CHL1: variants seen among roughly 807,000 people sequenced by gnomAD.
CHL1 encodes cell adhesion molecule L1 like.
A neutral mutation model predicts 141.9 loss-of-function variants in CHL1; 96 were observed. The ratio of observed to expected loss-of-function variants is 0.68; its 90% CI spans 0.57 to 0.80. The LOEUF is 0.80. Ranked by LOEUF, CHL1 falls within the 30% of genes least tolerant of loss-of-function variation. The pLI is 0.00. For missense variants in CHL1, 1,820 were observed against 1,457.2 expected (o/e 1.25, Z -4.05); for synonymous variants, 613 against 502.2 (o/e 1.22, Z -2.95).
chr3:285,344 T>C (rs1317678705), intron 2 of CHL1, among the ~76,000 whole-genome samples: 2 of 152,216 alleles, frequency 1.3e-5, no homozygotes, highest in Admixed American at 6.5e-5. Flanking sequence ...ATTTTCTCTA[T>C]AAAATGCCAA....
intron 1 of CHL1, among the ~76,000 whole-genome samples, chr3:229,169 A>G (rs1045041533): frequency 6.6e-6 from 1 of 152,104 alleles, no homozygotes; most frequent in Non-Finnish European, 1.5e-5. Flanking sequence ...GTGGTGTTAC[A>G]TTTCACTTCT....
intron 14 of CHL1, among the ~76,000 whole-genome samples, chr3:364,505 T>C (rs1704623520): frequency 6.6e-6 from 1 of 152,214 alleles, no homozygotes; most frequent in Non-Finnish European, 1.5e-5. Context: ...AATACAGTGC[T>C]TGGCCCAAAA....
intron 2 of CHL1, among the ~76,000 whole-genome samples, chr3:316,048 T>C (rs1700130672): frequency 6.6e-6 from 1 of 152,086 alleles, no homozygotes; most frequent in Non-Finnish European, 1.5e-5. Flanking sequence ...TTACATAGTG[T>C]GCAGAAAAGG....
At chr3:324,393 G>A (rs1469531601) in intron 3 of CHL1, among the ~76,000 whole-genome samples, 1 of 152,018 alleles carries the variant, frequency 6.6e-6, no homozygotes, top group African/African-American at 2.4e-5. Flanking sequence ...TTTTATTAGA[G>A]ATTCTAAGAA....
At chr3:326,163 C>T (rs569508508) in intron 4 of CHL1, 99 bp downstream of exon 4, 14 of 680,184 alleles carry the variant, frequency 2.1e-5, no homozygotes, top group Admixed American at 6.1e-5. Context: ...TATGAATCCA[C>T]GCATGATTAA....
intron 2 of CHL1, among the ~76,000 whole-genome samples, chr3:312,776 T>C (rs1326778224): frequency 1.3e-5 from 2 of 152,206 alleles, no homozygotes; most frequent in African/African-American, 4.8e-5. Context: ...CTTAAGCCAT[T>C]TTATCATGGA....
intron 1 of CHL1, among the ~76,000 whole-genome samples, chr3:212,664 C>T (rs952337498): frequency 6.6e-5 from 10 of 152,228 alleles, no homozygotes; most frequent in South Asian, 4.1e-4. Context: ...TGTCACATTT[C>T]GTTTCCACTT....
At chr3:295,259 C>T (rs1353822213) in intron 2 of CHL1, among the ~76,000 whole-genome samples, 10 of 152,132 alleles carry the variant, frequency 6.6e-5, no homozygotes, top group Non-Finnish European at 1.3e-4. Context: ...TTTCTTTACA[C>T]GAACAGTCAC....
chr3:347,618 T>C (rs1702874281), intron 9 of CHL1, among the ~76,000 whole-genome samples: 1 of 152,210 alleles, frequency 6.6e-6, no homozygotes, highest in Non-Finnish European at 1.5e-5. Flanking sequence ...CTTGCTCTAA[T>C]AAAGGATGGA....
chr3:196,790 A>C lies in CHL1; in HGVS notation c.-448A>C, dbSNP rs906523503. ...AGAACCCAGGAAGGGAGCAGAGGCG[A>C]GAGCCAGCCTCCGGCAGGAGGGCGT... On this transcript the variant is annotated 5_prime_UTR_variant, in exon 1 of 28. Transcript: ENST00000256509. 1.3e-5 allele frequency: 2 copies of C among 152,430 alleles called. No homozygotes were observed. The highest frequency in any genetic ancestry group is 4.8e-5 in the African/African-American group (2 of 41,462). 9.4% of individuals were successfully genotyped at this position (152,430 alleles called of 1,614,324 possible). A position where few individuals can be genotyped will look rare whatever the true frequency, so the allele number is the denominator to read the frequency against.
Position 405,643 on chromosome 3 carries a change from G to A in CHL1, c.3607G>A (p.Gly1203Arg). ...TGGATCATTTATTGGTGCCTACGCT[G>A]GATCTAAGGAGAAGGGATCTGTTGA... is the stretch of plus-strand genomic sequence containing the variant. The part of the protein sequence containing the change: ...EDGSFIGAYA[G>R]SKEKGSVESN... The change falls in exon 28 of 28, where the codon GGA becomes AGA. Residue 1203 changes from glycine to arginine, a missense_variant. By Grantham distance (125) the Gly-to-Arg change is moderately radical (BLOSUM62 -2). Transcript: ENST00000256509. The A allele has an allele frequency of 6.2e-7, 1 of 1,613,546 alleles. No individual in the cohort carries two copies. Among genetic ancestry groups the A allele is most frequent in the Non-Finnish European group, 8.5e-7 (1 of 1,179,598 alleles).
At chr3:398,203 G>T in intron 24 of CHL1, 24 bp from the exon 25 acceptor site, 1 of 1,500,968 alleles carries the variant, frequency 6.7e-7, no homozygotes, top group South Asian at 1.3e-5. Flanking sequence ...CAATTCACAT[G>T]ATTTAACTGT....
At chr3:263,109 C>A (rs760924127) in intron 2 of CHL1, among the ~76,000 whole-genome samples, 1 of 152,172 alleles carries the variant, frequency 6.6e-6, no homozygotes, top group Non-Finnish European at 1.5e-5. Flanking sequence ...GATTTCTCTG[C>A]TAAATAAGTT....
chr3:232,877 C>T (rs1214714806), intron 1 of CHL1, among the ~76,000 whole-genome samples: 1 of 152,134 alleles, frequency 6.6e-6, no homozygotes, highest in Non-Finnish European at 1.5e-5. Context: ...TTCTCTGTTA[C>T]TCCACTTCCT....
chr3:304,166 A>C (rs982358724), intron 2 of CHL1, among the ~76,000 whole-genome samples: 5 of 152,156 alleles, frequency 3.3e-5, no homozygotes, highest in Non-Finnish European at 5.9e-5. Context: ...GGATTTTCAC[A>C]TCAATGTTCA....
At chr3:289,703 T>C (rs996917031) in intron 2 of CHL1, among the ~76,000 whole-genome samples, 1 of 151,968 alleles carries the variant, frequency 6.6e-6, no homozygotes, top group Admixed American at 6.6e-5. Context: ...ATACATTTAT[T>C]TAATACATAT....
chr3:401,986 A>G (rs1013773905), intron 27 of CHL1, among the ~76,000 whole-genome samples: 2 of 152,200 alleles, frequency 1.3e-5, no homozygotes, highest in African/African-American at 4.8e-5. Flanking sequence ...TAGCTAAAAC[A>G]TCTATAGCAT....
rs1003183699 is a variant in CHL1 at position 363,456 on chromosome 3, A to G, written c.1585+73A>G. Reference sequence around the variant, plus strand: ...GTCTGTCTTCATTTGCCCAAATGGAATAATACCATTTAAGTTGGAGTACCA... The same window carrying G: ...GTCTGTCTTCATTTGCCCAAATGGAGTAATACCATTTAAGTTGGAGTACCA... On this transcript the variant is annotated intron_variant, in intron 14 of 27. Coordinates refer to ENST00000256509, the MANE Select transcript of CHL1 (RefSeq NM_006614.4). The G allele has an allele frequency of 3.8e-6, 5 of 1,329,702 alleles. No individual in the cohort carries two copies. The African/African-American group carries it at 5.9e-5, about 16-fold the overall frequency. 82.4% of individuals were successfully genotyped at this position (1,329,702 alleles called of 1,614,324 possible).
At chr3:370,771 C>T (rs971203989) in intron 15 of CHL1, among the ~76,000 whole-genome samples, 3 of 152,182 alleles carry the variant, frequency 2.0e-5, no homozygotes, top group African/African-American at 7.2e-5. Flanking sequence ...CTTAACACTG[C>T]TTTAGCTGTG....
Sources: allele counts gnomAD v4.1 joint callset (sites outside exome capture counted in the v4.1 genomes callset), GRCh38; gene constraint gnomAD v4.1.1; transcripts MANE v1.5; gene names NCBI Gene and HGNC (gene_info 2026-07-23, HGNC 2026-07-21).